Variants in SDK1 observed in about 807,000 individuals in gnomAD.
SDK1 encodes the protein protein sidekick-1.
Under a neutral mutation model 245.5 loss-of-function variants are expected in SDK1, and 157 were observed. That is an observed-to-expected ratio of 0.64 (90% CI 0.56 to 0.73). The LOEUF is 0.73. Ranked by LOEUF, SDK1 falls within the 30% of genes least tolerant of loss-of-function variation. SDK1 has a pLI of 0.00. For synonymous variants in SDK1, 1,647 were observed against 1,278.5 expected (o/e 1.29, Z -6.15); for missense variants, 3,583 against 3,002.3 (o/e 1.19, Z -4.52).
intron 20 of SDK1, among the ~76,000 whole-genome samples, chr7:4,071,316 C>T (rs971870390): frequency 3.9e-5 from 6 of 152,226 alleles, no homozygotes; most frequent in African/African-American, 7.2e-5. Context: ...TGAGCCACCA[C>T]GCCTGGCCTC....
chr7:4,164,880 A>G (rs745789851), intron 32 of SDK1, among the ~76,000 whole-genome samples: 20 of 152,252 alleles, frequency 1.3e-4, no homozygotes, highest in South Asian at 2.1e-4. Context: ...GAGGTGGTCA[A>G]TACAACGTCC....
At chr7:4,125,409 T>C (rs1448165545) in intron 25 of SDK1, among the ~76,000 whole-genome samples, 2 of 149,232 alleles carry the variant, frequency 1.3e-5, no homozygotes, top group Non-Finnish European at 3.0e-5. Context: ...GATAGATGGA[T>C]GGATGATGGA....
intron 1 of SDK1, among the ~76,000 whole-genome samples, chr7:3,352,350 G>A (rs1183394536): frequency 6.6e-6 from 1 of 152,038 alleles, no homozygotes; most frequent in African/African-American, 2.4e-5. Context: ...TAGTGATCAT[G>A]TATGTGGGAT....
At chr7:3,743,828 G>A (rs910080907) in intron 4 of SDK1, among the ~76,000 whole-genome samples, 3 of 152,246 alleles carry the variant, frequency 2.0e-5, no homozygotes, top group Middle Eastern at 3.4e-3. Context: ...AAAGGGCGAT[G>A]CCTGGACCTT....
chr7:3,811,787 G>A (rs536842860), intron 4 of SDK1, among the ~76,000 whole-genome samples: 6 of 152,312 alleles, frequency 3.9e-5, no homozygotes, highest in Middle Eastern at 3.4e-3. Flanking sequence ...TTCCTCCCAC[G>A]CCACCTGCAG....
chr7:4,268,360 C>A lies in SDK1; in HGVS notation c.*2976C>A. 3 of 1,056,186 alleles carry A rather than the reference C, an allele frequency of 2.8e-6. No homozygotes were observed. The highest frequency in any genetic ancestry group is 3.4e-6 in the Non-Finnish European group (3 of 870,132). The allele number at this position is 1,056,186 out of a possible 1,614,324, so 65.4% of individuals were successfully genotyped here. A position where few individuals can be genotyped will look rare whatever the true frequency, so the allele number is the denominator to read the frequency against. On this transcript the variant is annotated 3_prime_UTR_variant, in exon 45 of 45. Coordinates refer to ENST00000404826, the MANE Select transcript of SDK1 (RefSeq NM_152744.4). Reference sequence around the variant, plus strand: ...AGAGAGCTGCCAGGCCACACCCCCTCGGCCTCCTGCACGGCCACCTTCTGG... The same window carrying A: ...AGAGAGCTGCCAGGCCACACCCCCTAGGCCTCCTGCACGGCCACCTTCTGG...
chr7:4,145,840 C>A lies in SDK1; in HGVS notation c.4347C>A (p.Ile1449=). The part of the protein sequence containing the change: ...ATDLAPESAY[I]FRLSAKTRQG... ...ACCTGGCCCCGGAGTCCGCATACAT[C>A]TTCAGGCTGTCCGCCAAGACGAGGC... is the stretch of plus-strand genomic sequence containing the variant. Residue 1449 remains isoleucine (I), a synonymous_variant, in exon 29 of 45, where the codon ATC becomes ATA. Coordinates refer to ENST00000404826, the MANE Select transcript of SDK1 (RefSeq NM_152744.4). 1 of 1,613,854 alleles carries A rather than the reference C, an allele frequency of 6.2e-7. No individual in the cohort carries two copies. The highest frequency in any genetic ancestry group is 8.5e-7 in the Non-Finnish European group (1 of 1,179,950).
chr7:4,144,988 A>G (rs1309056328), intron 28 of SDK1, among the ~76,000 whole-genome samples: 1 of 152,162 alleles, frequency 6.6e-6, no homozygotes, highest in Admixed American at 6.5e-5. Context: ...GTTCCTCCAG[A>G]TGCCAGCGGG....
chr7:3,933,736 T>C (rs1562547295), intron 5 of SDK1, among the ~76,000 whole-genome samples: 1 of 152,212 alleles, frequency 6.6e-6, no homozygotes, highest in Non-Finnish European at 1.5e-5. Flanking sequence ...GATAAAAATA[T>C]TTCTTCTGTT....
chr7:3,884,383 C>T (rs1478421066), intron 5 of SDK1, among the ~76,000 whole-genome samples: 1 of 152,166 alleles, frequency 6.6e-6, no homozygotes, highest in Middle Eastern at 3.4e-3. Flanking sequence ...GAACTCAGTG[C>T]GCGGGAAGTT....
intron 7 of SDK1, among the ~76,000 whole-genome samples, chr7:3,955,155 C>T (rs141457596): frequency 1.5e-3 from 223 of 152,300 alleles, no homozygotes; most frequent in African/African-American, 5.1e-3. Context: ...CGAGTTTTCA[C>T]TGGGATGGAC....
intron 23 of SDK1, among the ~76,000 whole-genome samples, chr7:4,112,879 G>A (rs1783439145): frequency 6.6e-6 from 1 of 151,800 alleles, no homozygotes; most frequent in Admixed American, 6.6e-5. Context: ...TCAGCCTCTT[G>A]AGTAGCTGGG....
intron 1 of SDK1, among the ~76,000 whole-genome samples, chr7:3,526,587 C>A (rs1412949446): frequency 2.4e-4 from 37 of 152,164 alleles, no homozygotes; most frequent in Non-Finnish European, 1.5e-5. Context: ...TGTTTTTTCT[C>A]CATCACTTTG....
intron 1 of SDK1, 95 bp from the exon 2 acceptor site, chr7:3,618,985 A>G (rs756489498): frequency 4.8e-6 from 5 of 1,046,192 alleles, no homozygotes; most frequent in Non-Finnish European, 6.8e-6. Flanking sequence ...TCATTTTAAT[A>G]TTACGTTTGT....
chr7:3,578,505 G>A (rs945523920), intron 1 of SDK1, among the ~76,000 whole-genome samples: 6 of 152,008 alleles, frequency 3.9e-5, no homozygotes, highest in Non-Finnish European at 7.4e-5. Flanking sequence ...AAATTTACTA[G>A]TACAGGGTTT....
intron 1 of SDK1, among the ~76,000 whole-genome samples, chr7:3,420,055 C>T (rs564193733): frequency 6.6e-6 from 1 of 152,302 alleles, no homozygotes; most frequent in African/African-American, 2.4e-5. Context: ...GCACTTGAAT[C>T]TCCTTGTCAG....
rs542462481 is a variant in SDK1 at position 3,532,653 on chromosome 7, C to G, written c.299-86427C>G. ...CATTATTAGGAACATAGTTAGTAGT[C>G]TTGATAAATAAAGAAGGCTCTGTTA... On this transcript the variant is annotated intron_variant, in intron 1 of 44. Transcript: ENST00000404826. Among the ~76,000 whole-genome samples, 5 of 152,278 alleles carry G rather than the reference C, an allele frequency of 3.3e-5. No individual in the cohort carries two copies. The East Asian group carries it at 9.6e-4, about 29-fold the overall frequency.
chr7:3,508,089 G>A (rs777960060), intron 1 of SDK1, among the ~76,000 whole-genome samples: 1 of 152,058 alleles, frequency 6.6e-6, no homozygotes, highest in Non-Finnish European at 1.5e-5. Flanking sequence ...GGCATAAACT[G>A]CTACTGATAG....
chr7:3,620,149 T>A (rs1424418455), intron 2 of SDK1, among the ~76,000 whole-genome samples: 2 of 152,166 alleles, frequency 1.3e-5, no homozygotes, highest in African/African-American at 4.8e-5. Context: ...AAATGGGGAA[T>A]AGCCCACCCA....
Sources: gnomAD v4.1 joint callset for allele counts (sites outside exome capture counted in the v4.1 genomes callset) on GRCh38, gnomAD v4.1.1 for gene constraint, MANE v1.5 for transcripts, NCBI Gene and HGNC (gene_info 2026-07-23, HGNC 2026-07-21) for gene names.